Variants in PIGQ observed in about 807,000 individuals in gnomAD.
PIGQ encodes the protein phosphatidylinositol glycan anchor biosynthesis class Q, also known as phosphatidylinositol N-acetylglucosaminyltransferase subunit Q.
A neutral mutation model predicts 60.3 loss-of-function variants in PIGQ; 54 were observed. The observed-to-expected ratio is 0.90, with a 90% confidence interval of 0.72 to 1.12. PIGQ has a LOEUF of 1.12. Among genes scored for constraint, PIGQ ranks in the 50% most tolerant of loss-of-function variants. The probability of loss-of-function intolerance (pLI) is 0.00; values close to 1 mark genes in which losing one functional copy is unlikely to be tolerated. For synonymous variants in PIGQ, 416 were observed against 363.7 expected (o/e 1.14, Z -1.64); for missense variants, 799 against 793.5 (o/e 1.01, Z -0.08).
intron 1 of PIGQ, among the ~76,000 whole-genome samples, chr16:571,091 G>GCCTAGCC (rs1407209416): frequency 3.9e-4 from 8 of 20,310 alleles, no homozygotes; most frequent in African/African-American, 1.6e-3. Flanking sequence ...GTGTGTGTGT[G>GCCTAGCC]TGTGTGTGTG....
In PIGQ at chr16:579,335, G is replaced by C. The variant is rs1436905933; in HGVS notation, c.1335+155G>C. On this transcript the variant is annotated intron_variant, in intron 7 of 10. Coordinates refer to ENST00000321878, the MANE Select transcript of PIGQ (RefSeq NM_004204.5). Reference sequence around the variant, plus strand: ...TGGGAATAGATAAGTCTGCGGTGTGGGCTGCACGTGGGGCTCTGAAGCAGC... The same window carrying C: ...TGGGAATAGATAAGTCTGCGGTGTGCGCTGCACGTGGGGCTCTGAAGCAGC... 7.9e-6 allele frequency: 5 copies of C among 629,740 alleles called. No individual in the cohort carries two copies. In the East Asian group the frequency reaches 1.1e-4, roughly 14 times the overall value. The allele number at this position is 629,740 out of a possible 1,614,324, so 39.0% of individuals were successfully genotyped here.
Position 576,205 on chromosome 16 carries a change from G to A in PIGQ, c.893G>A (p.Gly298Glu). Residue 298 changes from glycine (G) to glutamate (E), a missense_variant, in exon 4 of 11, where the codon GGG becomes GAG. Transcript: ENST00000321878. Reference sequence around the variant, plus strand: ...CTCATGCTGCTGTCCTGGCTCCACGGGAGAAGCCGCATCGGGCATCTGGCC... The same window carrying A: ...CTCATGCTGCTGTCCTGGCTCCACGAGAGAAGCCGCATCGGGCATCTGGCC... ...LGLMLLSWLH[G>E]RSRIGHLADA... 1 of 1,550,552 alleles carries A rather than the reference G, an allele frequency of 6.4e-7. No homozygotes were observed. The highest frequency in any genetic ancestry group is 2.0e-5 in the Admixed American group (1 of 51,108).
chr16:583,595 G>C lies in PIGQ; in HGVS notation c.*560G>C, dbSNP rs371251779. On this transcript the variant is annotated 3_prime_UTR_variant, in exon 11 of 11. Coordinates refer to ENST00000321878, the MANE Select transcript of PIGQ (RefSeq NM_004204.5). Reference sequence around the variant, plus strand: ...GGCCCTCACTCCCTGAACCACACGGGGTTTATTTGCGGATGTTCCCTGGAG... The same window carrying C: ...GGCCCTCACTCCCTGAACCACACGGCGTTTATTTGCGGATGTTCCCTGGAG... 8 of 1,612,674 alleles carry C rather than the reference G, an allele frequency of 5.0e-6. No homozygotes were observed. The Admixed American group carries it at 6.7e-5, about 13-fold the overall frequency.
rs775073778 is a variant in PIGQ, at chr16:583,698, C to G, written c.*663C>G. ...GTGGGGGCGGGAGCAGCCTCAGTGT[C>G]AAGGGCCCGCCCACTGACCCAGCCG... On this transcript the variant is annotated 3_prime_UTR_variant, in exon 11 of 11. Transcript: ENST00000321878. 17 of 1,565,452 alleles carry G rather than the reference C, an allele frequency of 1.1e-5. 1 individual carries two copies. In the Admixed American group the frequency reaches 2.2e-4, roughly 20 times the overall value.
chr16:574,327 G>A lies in PIGQ; in HGVS notation c.253G>A (p.Gly85Ser). The A allele has an allele frequency of 6.2e-7, 1 of 1,608,000 alleles. No individual in the cohort carries two copies. The highest frequency in any genetic ancestry group is 8.5e-7 in the Non-Finnish European group (1 of 1,179,350). The change falls in exon 2 of 11, where the codon GGT becomes AGT. Residue 85 changes from glycine (G) to serine (S), a missense_variant. Coordinates refer to ENST00000321878, the MANE Select transcript of PIGQ (RefSeq NM_004204.5). ...CCTGGGCCGCTTCCTGGAGAGCCTG[G>A]GTGCTGTCTTCCCCCATGAGCCCTG... ...ESLGRFLESL[G>S]AVFPHEPWLR...
chr16:582,463 C>T (rs903194523), intron 10 of PIGQ, 154 bp downstream of exon 10: 3 of 608,894 alleles, frequency 4.9e-6, no homozygotes, highest in Non-Finnish European at 8.6e-6. Flanking sequence ...CCACGCGGGA[C>T]CCCCTCCCCC....
chr16:575,222 G>A (rs2035698211), intron 2 of PIGQ, among the ~76,000 whole-genome samples: 2 of 152,218 alleles, frequency 1.3e-5, no homozygotes, highest in South Asian at 4.1e-4. Context: ...CCGTGTGCCT[G>A]GGGGAGTGGT....
In PIGQ at chr16:583,346, C is replaced by T. The variant is rs2035844083; in HGVS notation, c.*311C>T. 2.5e-6 allele frequency: 4 copies of T among 1,612,480 alleles called. No homozygotes were observed. Among genetic ancestry groups the T allele is most frequent in the East Asian group, 2.2e-5 (1 of 44,890 alleles). On this transcript the variant is annotated 3_prime_UTR_variant, in exon 11 of 11. Coordinates refer to ENST00000321878, the MANE Select transcript of PIGQ (RefSeq NM_004204.5). ...GGTGTCCAGAGCACTGCCCCATGCC[C>T]ACCCTGTGTACCCAGGTCCAGAGGG...
At chr16:579,459 T>G in intron 7 of PIGQ, 3 of 195,068 alleles carry the variant, frequency 1.5e-5, no homozygotes, top group Non-Finnish European at 1.8e-5. Context: ...AGACTAGAGA[T>G]GCCCCGGGCC....
At position 578,506 on chromosome 16, in the gene PIGQ, G is replaced by A. The variant is rs754875554; in HGVS notation, c.1069+1G>A. 1 of 1,612,232 alleles carries A rather than the reference G, an allele frequency of 6.2e-7. No homozygotes were observed. The highest frequency in any genetic ancestry group is 8.5e-7 in the Non-Finnish European group (1 of 1,179,688). On this transcript the variant is annotated splice_donor_variant, in intron 5 of 10. Transcript: ENST00000321878. LOFTEE classifies it high-confidence loss of function. Reference sequence around the variant, plus strand: ...CTCTACCACATCCACCTGTGGATCAGTGAGTGCAGGGCAGGCGGGGGCCCC... The same window carrying A: ...CTCTACCACATCCACCTGTGGATCAATGAGTGCAGGGCAGGCGGGGGCCCC...
At chr16:581,882 G>C (rs1401460472) in intron 9 of PIGQ, 6 of 320,784 alleles carry the variant, frequency 1.9e-5, no homozygotes, top group Non-Finnish European at 3.6e-5. Context: ...TCCTGCCTCA[G>C]CCTCCCAAGT....
In PIGQ at chr16:583,790, C is replaced by T; in HGVS notation, c.*755C>T. 1 of 832,080 alleles carries T rather than the reference C, an allele frequency of 1.2e-6. No homozygotes were observed. Among genetic ancestry groups the T allele is most frequent in the African/African-American group, 1.7e-5 (1 of 59,944 alleles). 51.5% of individuals were successfully genotyped at this position (832,080 alleles called of 1,614,324 possible). ...GCCAAATCTGTCTCCCTTCATGGGC[C>T]TCCCAGGGAAGGAGGAAGCCCTGCT... On this transcript the variant is annotated 3_prime_UTR_variant, in exon 11 of 11. Coordinates refer to ENST00000321878, the MANE Select transcript of PIGQ (RefSeq NM_004204.5).
At position 582,231 on chromosome 16, in the gene PIGQ, G is replaced by C. The variant is rs372699184; in HGVS notation, c.1532-17G>C. On this transcript the variant is annotated splice_polypyrimidine_tract_variant and intron_variant, in intron 9 of 10. Transcript: ENST00000321878. ...GCCCCCACGCGTCCCCTCGTCAGCCGCTTGCTATCCTTGCAGCTGGCGTGA... is the reference window on the plus strand; with the variant it reads ...GCCCCCACGCGTCCCCTCGTCAGCCCCTTGCTATCCTTGCAGCTGGCGTGA... The C allele has an allele frequency of 2.2e-5, 11 of 499,552 alleles. 1 individual carries two copies. The highest frequency in any genetic ancestry group is 2.8e-5 in the Non-Finnish European group (11 of 397,400). The allele number at this position is 499,552 out of a possible 1,614,324, so 30.9% of individuals were successfully genotyped here.
intron 10 of PIGQ, chr16:582,657 G>T: frequency 1.6e-6 from 1 of 607,640 alleles, no homozygotes; most frequent in Non-Finnish European, 2.9e-6. Flanking sequence ...CGGCCCCTCA[G>T]AGTTGGGCAG....
chr16:579,033 G>GGGCGGGGCGT, intron 6 of PIGQ, 36 bp from the exon 7 acceptor site: 1 of 1,555,740 alleles, frequency 6.4e-7, no homozygotes, highest in South Asian at 1.1e-5. Context: ...GGGCGGGGCG[G>GGGCGGGGCGT]GGCGGGGCCG....
chr16:571,893 A>G (rs962865675), intron 1 of PIGQ, among the ~76,000 whole-genome samples: 4 of 121,134 alleles, frequency 3.3e-5, no homozygotes, highest in Non-Finnish European at 7.2e-5. Context: ...GACACAAGGC[A>G]CTTTTTTTTT....
Position 574,148 on chromosome 16 carries a change from C to T in PIGQ, c.74C>T (p.Pro25Leu), listed in dbSNP as rs531991910. The T allele has an allele frequency of 3.1e-5, 50 of 1,612,294 alleles. No individual in the cohort carries two copies. Among genetic ancestry groups the T allele is most frequent in the South Asian group, 8.8e-5 (8 of 91,062 alleles). ...DSGLLVGRWVPEQSSAVVLAV... is the reference protein window; with the variant it reads ...DSGLLVGRWVLEQSSAVVLAV... ...GGGCTGCTGGTGGGACGGTGGGTGC[C>T]GGAGCAGAGCAGCGCCGTGGTCCTG... Residue 25 changes from proline (P) to leucine (L), a missense_variant, in exon 2 of 11, where the codon CCG (proline) becomes CTG (leucine). Pro to Leu is a moderately conservative substitution (Grantham distance 98, BLOSUM62 -3). Coordinates refer to ENST00000321878, the MANE Select transcript of PIGQ (RefSeq NM_004204.5).
At position 579,478 on chromosome 16, in the gene PIGQ, A is replaced by T. The variant is rs111606992; in HGVS notation, c.1335+298A>T. On this transcript the variant is annotated intron_variant, in intron 7 of 10. Coordinates refer to ENST00000321878, the MANE Select transcript of PIGQ (RefSeq NM_004204.5). The stretch of plus-strand genomic sequence containing the variant: ...TAGAGATGCCCCGGGCCCGGAGACT[A>T]GAGGTGCCCCGGGCCCGGAGACTAG... 9.9e-3 allele frequency: 1,280 copies of T among 128,836 alleles called. 85 individuals are homozygous for T. Among genetic ancestry groups the T allele is most frequent in the African/African-American group, 0.05 (1,065 of 21,278 alleles). 8.0% of individuals were successfully genotyped at this position (128,836 alleles called of 1,614,324 possible). A position where few individuals can be genotyped will look rare whatever the true frequency, so the allele number is the denominator to read the frequency against.
At chr16:574,836 T>G in intron 2 of PIGQ, 73 bp downstream of exon 2, 1 of 1,196,490 alleles carries the variant, frequency 8.4e-7, no homozygotes, top group Non-Finnish European at 1.1e-6. Context: ...TTGTCTGCAG[T>G]GGGCACAGAG....
Sources: gnomAD v4.1 joint callset for allele counts (sites outside exome capture counted in the v4.1 genomes callset) on GRCh38, gnomAD v4.1.1 for gene constraint, MANE v1.5 for transcripts, NCBI Gene and HGNC (gene_info 2026-07-23, HGNC 2026-07-21) for gene names.